The following SLC10A6 variants were observed in gnomAD, a reference collection of about 807,000 sequenced individuals.
The protein encoded by SLC10A6 is sodium-dependent organic anion transporter.
SLC10A6 carries 27 observed loss-of-function variants against 30.0 expected under a neutral mutation model. The ratio of observed to expected loss-of-function variants is 0.90; its 90% CI spans 0.66 to 1.24. SLC10A6 has a LOEUF of 1.24. SLC10A6 is among the 50% of genes most tolerant of loss of function. SLC10A6 has a pLI of 0.00. For synonymous variants in SLC10A6, 166 were observed against 173.8 expected (o/e 0.95, Z 0.36); for missense variants, 439 against 457.0 (o/e 0.96, Z 0.36).
chr4:86,827,865 G>A (rs1746021734), intron 4 of SLC10A6, 128 bp downstream of exon 4: 1 of 749,170 alleles, frequency 1.3e-6, no homozygotes, highest in South Asian at 3.3e-5. Context: ...TTTATGCTTA[G>A]TTATCCTGTC....
intron 1 of SLC10A6, among the ~76,000 whole-genome samples, chr4:86,840,047 T>C (rs1279061586): frequency 6.6e-6 from 1 of 151,872 alleles, no homozygotes; most frequent in Non-Finnish European, 1.5e-5. Flanking sequence ...ATAGGTGGGA[T>C]TACAGGTACC....
chr4:86,836,838 A>G (rs535219421), intron 1 of SLC10A6, among the ~76,000 whole-genome samples: 7 of 151,878 alleles, frequency 4.6e-5, no homozygotes, highest in Non-Finnish European at 8.8e-5. Context: ...GCTCACTGCA[A>G]CCTCCACCTC....
At chr4:86,840,486 A>T (rs943904430) in intron 1 of SLC10A6, among the ~76,000 whole-genome samples, 18 of 152,176 alleles carry the variant, frequency 1.2e-4, no homozygotes, top group African/African-American at 4.3e-4. Flanking sequence ...TTAAAGACCT[A>T]CCCTGATCCG....
At chr4:86,837,300 A>G (rs1250526714) in intron 1 of SLC10A6, among the ~76,000 whole-genome samples, 1 of 123,522 alleles carries the variant, frequency 8.1e-6, no homozygotes, top group Non-Finnish European at 1.7e-5. Context: ...AAAGGAAGGA[A>G]GGAAGGAAGG....
chr4:86,846,576 C>A (rs908392138), intron 1 of SLC10A6, among the ~76,000 whole-genome samples: 2 of 152,074 alleles, frequency 1.3e-5, no homozygotes, highest in African/African-American at 4.8e-5. Context: ...AAAAATTAGC[C>A]AGGCACGGTG....
chr4:86,845,329 C>A (rs1366763945), intron 1 of SLC10A6, among the ~76,000 whole-genome samples: 1 of 152,130 alleles, frequency 6.6e-6, no homozygotes, highest in Non-Finnish European at 1.5e-5. Context: ...GCTCAGAGAA[C>A]TATGAGCAGC....
chr4:86,827,701 C>A (rs1234919794), intron 4 of SLC10A6, among the ~76,000 whole-genome samples: 4 of 152,120 alleles, frequency 2.6e-5, no homozygotes, highest in African/African-American at 9.7e-5. Flanking sequence ...GCATAGAATT[C>A]TTTTTGCTTT....
chr4:86,841,702 A>G (rs1241000157), intron 1 of SLC10A6, among the ~76,000 whole-genome samples: 1 of 152,254 alleles, frequency 6.6e-6, no homozygotes, highest in South Asian at 2.1e-4. Context: ...AACATTTTGC[A>G]ATTGGAGATT....
In SLC10A6 at chr4:86,837,773, G is replaced by A. The variant is rs1578758126; in HGVS notation, c.378-4349C>T. 5 of 309,400 alleles carry A rather than the reference G, an allele frequency of 1.6e-5. No individual in the cohort carries two copies. In the South Asian group the frequency reaches 6.4e-4, roughly 40 times the overall value. 19.2% of individuals were successfully genotyped at this position (309,400 alleles called of 1,614,324 possible). On this transcript the variant is annotated intron_variant, in intron 1 of 5. Coordinates refer to ENST00000273905, the MANE Select transcript of SLC10A6 (RefSeq NM_197965.3). ...AAATATTTTATCTTTCAATTTGCTGGAAAAAATTACACAATCTGTTTAAGC... is the reference window on the plus strand; with the variant it reads ...AAATATTTTATCTTTCAATTTGCTGAAAAAAATTACACAATCTGTTTAAGC...
chr4:86,845,681 C>T (rs1746380788), intron 1 of SLC10A6, among the ~76,000 whole-genome samples: 1 of 152,132 alleles, frequency 6.6e-6, no homozygotes, highest in African/African-American at 2.4e-5. Flanking sequence ...TTGTGAGGGC[C>T]TGACCTGAGG....
intron 1 of SLC10A6, among the ~76,000 whole-genome samples, chr4:86,836,517 C>A (rs1746187575): frequency 6.6e-6 from 1 of 152,180 alleles, no homozygotes; most frequent in Non-Finnish European, 1.5e-5. Flanking sequence ...GCCCTTCTCT[C>A]TTCCACCACG....
Position 86,825,337 on chromosome 4 carries a change from A to C in SLC10A6, c.919+83T>G, listed in dbSNP as rs1044856952. ...AGTGTATCACAGGGGCAGCACATGC[A>C]AGTTTGGATTGAAAAAAAAGTTGGT... is the stretch of plus-strand genomic sequence containing the variant. On this transcript the variant is annotated intron_variant, in intron 5 of 5. Transcript: ENST00000273905. 2.2e-6 allele frequency: 3 copies of C among 1,355,004 alleles called. No individual in the cohort carries two copies. In the African/African-American group the frequency reaches 4.3e-5, roughly 19 times the overall value. 83.9% of individuals were successfully genotyped at this position (1,355,004 alleles called of 1,614,324 possible).
Position 86,849,355 on chromosome 4 carries a change from C to T in SLC10A6, c.-240G>A. ...CTGTGGTAAGTAAGGCTTTCCACTT[C>T]TGTTCTTACTCACCACTGAATATGT... is the stretch of plus-strand genomic sequence containing the variant. On this transcript the variant is annotated 5_prime_UTR_variant, in exon 1 of 6. Transcript: ENST00000273905. 1.9e-6 allele frequency: 1 copy of T among 517,948 alleles called. No individual in the cohort carries two copies. 32.1% of individuals were successfully genotyped at this position (517,948 alleles called of 1,614,324 possible).
chr4:86,832,888 T>C (rs1243044097), intron 2 of SLC10A6, among the ~76,000 whole-genome samples: 2 of 152,220 alleles, frequency 1.3e-5, no homozygotes, highest in African/African-American at 4.8e-5. Flanking sequence ...CAGGAAGGTC[T>C]AATTAGAGCC....
At chr4:86,840,106 G>C (rs1746267024) in intron 1 of SLC10A6, among the ~76,000 whole-genome samples, 1 of 150,576 alleles carries the variant, frequency 6.6e-6, no homozygotes, top group African/African-American at 2.4e-5. Flanking sequence ...TTTTAGTAGA[G>C]ATGGGTTTTA....
At chr4:86,825,293 A>G (rs992805226) in intron 5 of SLC10A6, 127 bp downstream of exon 5, 2 of 816,332 alleles carry the variant, frequency 2.4e-6, no homozygotes, top group Non-Finnish European at 3.7e-6. Flanking sequence ...TCGTCCCCAG[A>G]AATGTCAGGC....
chr4:86,842,847 T>TTTCTTTCTTTC (rs1560461873), intron 1 of SLC10A6, among the ~76,000 whole-genome samples: 3 of 53,816 alleles, frequency 5.6e-5, no homozygotes, highest in Non-Finnish European at 6.8e-5. Context: ...TCTTTCTTTC[T>TTTCTTTCTTTC]TTCTTTCTTT....
intron 1 of SLC10A6, among the ~76,000 whole-genome samples, chr4:86,837,306 G>A (rs879919696): frequency 3.6e-4 from 48 of 132,236 alleles, no homozygotes; most frequent in South Asian, 7.4e-4. Context: ...AGGAAGGAAG[G>A]AAGGAAGGAA....
intron 2 of SLC10A6, among the ~76,000 whole-genome samples, chr4:86,832,136 A>G (rs1427504626): frequency 6.6e-6 from 1 of 152,228 alleles, no homozygotes; most frequent in East Asian, 1.9e-4. Context: ...TCAGAAAAAA[A>G]GTTGCACATA....
Sources: allele counts gnomAD v4.1 joint callset (sites outside exome capture counted in the v4.1 genomes callset), GRCh38; gene constraint gnomAD v4.1.1; transcripts MANE v1.5; gene names NCBI Gene and HGNC (gene_info 2026-07-23, HGNC 2026-07-21).